THSD7B: variants seen among roughly 807,000 people sequenced by gnomAD.
THSD7B encodes thrombospondin type-1 domain-containing protein 7B.
THSD7B carries 138 observed loss-of-function variants against 213.6 expected under a neutral mutation model. That is an observed-to-expected ratio of 0.65 (90% CI 0.56 to 0.74). The LOEUF (loss-of-function observed/expected upper bound fraction) is 0.74, where lower values mean the gene tolerates loss of function less well. Among genes scored for constraint, THSD7B ranks in the 30% least tolerant of loss-of-function variants. The pLI is 0.00. For synonymous variants in THSD7B, 742 were observed against 687.0 expected (o/e 1.08, Z -1.25); for missense variants, 1,931 against 1,991.5 (o/e 0.97, Z 0.58).
chr2:137,257,135 C>A (rs146468643), intron 10 of THSD7B, among the ~76,000 whole-genome samples: 34 of 152,308 alleles, frequency 2.2e-4, no homozygotes, highest in African/African-American at 7.7e-4. Context: ...CTTAAAGGAG[C>A]CACCTCTCAC....
At chr2:137,521,607 G>A (rs1371013014) in intron 15 of THSD7B, among the ~76,000 whole-genome samples, 1 of 152,164 alleles carries the variant, frequency 6.6e-6, no homozygotes, top group Non-Finnish European at 1.5e-5. Flanking sequence ...AAAGTTGTTA[G>A]TGTCTCAACC....
chr2:136,999,629 A>G (rs1019284459), intron 2 of THSD7B, among the ~76,000 whole-genome samples: 1 of 152,156 alleles, frequency 6.6e-6, no homozygotes, highest in Admixed American at 6.6e-5. Context: ...TCCTGGCATA[A>G]GATTTTGGCA....
intron 17 of THSD7B, among the ~76,000 whole-genome samples, chr2:137,613,877 TAGAG>T (rs1172132850): frequency 3.9e-5 from 6 of 152,108 alleles, no homozygotes; most frequent in South Asian, 4.1e-4. Context: ...AAACAGCTAA[TAGAG>T]AGAAAGAAAT....
chr2:137,257,408 C>G (rs1421465156), intron 10 of THSD7B, among the ~76,000 whole-genome samples: 1 of 152,068 alleles, frequency 6.6e-6, no homozygotes, highest in African/African-American at 2.4e-5. Context: ...AGGCACAGAC[C>G]CTTTTTAGCC....
chr2:137,062,347 A>G (rs1241047208), intron 3 of THSD7B, among the ~76,000 whole-genome samples: 1 of 149,342 alleles, frequency 6.7e-6, no homozygotes, highest in East Asian at 2.0e-4. Context: ...TTTGACTCTG[A>G]TTTTATTATT....
chr2:137,272,538 G>C lies in THSD7B; in HGVS notation c.2272G>C (p.Ala758Pro), dbSNP rs753883362. ...PCPRMCQAGN[A>P]TVKQSRYRII... ...TTCTTTTTCCTTTACTTCAGGAAATGCCACAGTAAAACAGTCTCGATACAG... is the reference window on the plus strand; with the variant it reads ...TTCTTTTTCCTTTACTTCAGGAAATCCCACAGTAAAACAGTCTCGATACAG... The change falls in exon 11 of 28, where the codon GCC becomes CCC. Residue 758 changes from alanine (A) to proline (P), a missense_variant. Ala to Pro is a conservative substitution (Grantham distance 27). Coordinates refer to ENST00000409968, the MANE Select transcript of THSD7B (RefSeq NM_001316349.2). The C allele has an allele frequency of 6.2e-7, 1 of 1,603,896 alleles. No individual in the cohort carries two copies. The highest frequency in any genetic ancestry group is 1.1e-5 in the South Asian group (1 of 88,642).
At chr2:137,581,783 A>AT (rs200765400) in intron 17 of THSD7B, among the ~76,000 whole-genome samples, 74 of 147,600 alleles carry the variant, frequency 5.0e-4, no homozygotes, top group African/African-American at 1.8e-3. Context: ...AAAAAAAAAA[A>AT]AATAATAATA....
chr2:137,029,103 G>C (rs1440972151), intron 2 of THSD7B, among the ~76,000 whole-genome samples: 4 of 97,110 alleles, frequency 4.1e-5, no homozygotes, highest in African/African-American at 1.6e-4. Flanking sequence ...TTTTGAGAAA[G>C]AGTCTTGCTC....
intron 1 of THSD7B, among the ~76,000 whole-genome samples, chr2:136,803,234 G>A (rs940177621): frequency 1.3e-5 from 2 of 151,990 alleles, no homozygotes; most frequent in African/African-American, 4.8e-5. Context: ...GAAAATTAAT[G>A]TAATGAACAC....
At chr2:137,660,345 G>A (rs1240714699) in intron 25 of THSD7B, among the ~76,000 whole-genome samples, 5 of 151,978 alleles carry the variant, frequency 3.3e-5, no homozygotes, top group Admixed American at 2.6e-4. Context: ...GGTGTGCAGT[G>A]CACTATAATT....
At chr2:137,435,527 A>T (rs1687273314) in intron 14 of THSD7B, among the ~76,000 whole-genome samples, 1 of 152,188 alleles carries the variant, frequency 6.6e-6, no homozygotes, top group African/African-American at 2.4e-5. Context: ...CAGGGCTTTG[A>T]GCAGGAGAAA....
In THSD7B at chr2:136,954,738, AT is replaced by A. The variant is rs1558865940; in HGVS notation, c.139+72423del. On this transcript the variant is annotated intron_variant, in intron 2 of 27. Coordinates refer to ENST00000409968, the MANE Select transcript of THSD7B (RefSeq NM_001316349.2). Reference sequence around the variant, plus strand: ...TCAAAAAAAAAAAAAAAAAAAAGAAATTACATAAGAGCTTTTATACTGTTTA... The same window carrying A: ...TCAAAAAAAAAAAAAAAAAAAAGAAATACATAAGAGCTTTTATACTGTTTA... Among the ~76,000 whole-genome samples the A allele has an allele frequency of 9.9e-4, 142 of 143,380 alleles. 9 individuals carry two copies. Among genetic ancestry groups the A allele is most frequent in the African/African-American group, 3.7e-3 (133 of 35,680 alleles). 94.1% of individuals were successfully genotyped at this position (143,380 alleles called of 152,430 possible). A position where few individuals can be genotyped will look rare whatever the true frequency, so the allele number is the denominator to read the frequency against.
chr2:137,401,579 C>A (rs950403878), intron 12 of THSD7B, among the ~76,000 whole-genome samples: 1 of 151,422 alleles, frequency 6.6e-6, no homozygotes, highest in Admixed American at 6.6e-5. Flanking sequence ...AAAACTAATT[C>A]CTGGTCTGAA....
chr2:137,507,374 C>T (rs1679859738), intron 15 of THSD7B, among the ~76,000 whole-genome samples: 1 of 152,170 alleles, frequency 6.6e-6, no homozygotes, highest in Admixed American at 6.5e-5. Context: ...GTCTTTCTCC[C>T]TTGGCAACAA....
intron 15 of THSD7B, among the ~76,000 whole-genome samples, chr2:137,557,640 T>A (rs1197526784): frequency 6.6e-6 from 1 of 151,592 alleles, no homozygotes; most frequent in Admixed American, 6.6e-5. Flanking sequence ...CACCCTAACA[T>A]CACAATTAAA....
chr2:137,627,212 T>TC (rs1052939768), intron 20 of THSD7B, among the ~76,000 whole-genome samples: 3 of 152,086 alleles, frequency 2.0e-5, no homozygotes, highest in Non-Finnish European at 4.4e-5. Flanking sequence ...GAACTCACTC[T>TC]CCCCCAAGGG....
chr2:137,409,570 T>C (rs936053381), intron 13 of THSD7B, among the ~76,000 whole-genome samples: 1 of 152,180 alleles, frequency 6.6e-6, no homozygotes, highest in Non-Finnish European at 1.5e-5. Flanking sequence ...ATGAAGACAG[T>C]CATTTAAAAT....
intron 1 of THSD7B, among the ~76,000 whole-genome samples, chr2:136,823,367 C>G (rs1682595650): frequency 6.6e-6 from 1 of 152,170 alleles, no homozygotes. Flanking sequence ...TCTCTTGTGA[C>G]AGACGGTGCT....
intron 27 of THSD7B, 76 bp from the exon 28 acceptor site, chr2:137,676,448 T>G (rs1228888244): frequency 1.3e-5 from 17 of 1,315,228 alleles, no homozygotes; most frequent in Non-Finnish European, 1.7e-5. Flanking sequence ...AATTTCTGTA[T>G]CTCAAAATTG....
Sources: gnomAD v4.1 joint callset for allele counts (sites outside exome capture counted in the v4.1 genomes callset) on GRCh38, gnomAD v4.1.1 for gene constraint, MANE v1.5 for transcripts, NCBI Gene and HGNC (gene_info 2026-07-23, HGNC 2026-07-21) for gene names.